RCOR1: variants seen among roughly 807,000 people sequenced by gnomAD.
RCOR1 encodes REST corepressor 1, also known as REST corepressor.
Under a neutral mutation model 64.0 loss-of-function variants are expected in RCOR1, and 12 were observed. The observed-to-expected ratio is 0.19, with a 90% CI of 0.12 to 0.30. The LOEUF is 0.30. Among genes scored for constraint, RCOR1 ranks in the 10% least tolerant of loss-of-function variants. The pLI, the probability that RCOR1 is intolerant of heterozygous loss-of-function variation, is 1.00. For synonymous variants in RCOR1, 279 were observed against 227.2 expected (o/e 1.23, Z -2.05); for missense variants, 502 against 621.2 (o/e 0.81, Z 2.04).
chr14:102,720,643 T>TA (rs1479743745), intron 8 of RCOR1, among the ~76,000 whole-genome samples: 1 of 152,200 alleles, frequency 6.6e-6, no homozygotes, highest in Non-Finnish European at 1.5e-5. Flanking sequence ...GCTGCTCTGT[T>TA]ACTTCAGTTC....
chr14:102,650,655 A>G (rs1894570241), intron 2 of RCOR1, among the ~76,000 whole-genome samples: 1 of 152,220 alleles, frequency 6.6e-6, no homozygotes, highest in Admixed American at 6.5e-5. Context: ...TGGACTCTAG[A>G]GAGTAAGTTC....
intron 3 of RCOR1, among the ~76,000 whole-genome samples, chr14:102,687,313 C>T (rs1895441905): frequency 6.6e-6 from 1 of 152,180 alleles, no homozygotes; most frequent in African/African-American, 2.4e-5. Flanking sequence ...GTCCCATAGC[C>T]AGTTATTACA....
intron 2 of RCOR1, among the ~76,000 whole-genome samples, chr14:102,609,129 T>C (rs1214793215): frequency 6.8e-6 from 1 of 148,060 alleles, no homozygotes; most frequent in Non-Finnish European, 1.5e-5. Flanking sequence ...CACTGCAACC[T>C]CTGCCTCCCG....
intron 2 of RCOR1, among the ~76,000 whole-genome samples, chr14:102,627,336 G>A (rs1308899972): frequency 6.6e-6 from 1 of 152,132 alleles, no homozygotes; most frequent in African/African-American, 2.4e-5. Context: ...TCTTATCAGC[G>A]TATTAAACGG....
chr14:102,629,311 T>C (rs1894053561), intron 2 of RCOR1, among the ~76,000 whole-genome samples: 1 of 152,190 alleles, frequency 6.6e-6, no homozygotes, highest in Non-Finnish European at 1.5e-5. Context: ...TGTTTTTCTT[T>C]TTTCTCATTT....
chr14:102,651,930 AATTG>A (rs765413292), intron 2 of RCOR1, among the ~76,000 whole-genome samples: 7 of 152,220 alleles, frequency 4.6e-5, no homozygotes, highest in Non-Finnish European at 7.3e-5. Flanking sequence ...AGGTCTCTCA[AATTG>A]ATTCTCAGTA....
In RCOR1 at chr14:102,728,803, G is replaced by T. The variant is rs1171504255; in HGVS notation, c.*2297G>T. ...CTTTCTCCCCGAGAGGAAGGGGCAT[G>T]TCATTTTTATTTGACAGAGGGAAAA... On this transcript the variant is annotated 3_prime_UTR_variant, in exon 12 of 12. Coordinates refer to ENST00000262241, the MANE Select transcript of RCOR1 (RefSeq NM_015156.4). 7.9e-5 allele frequency: 12 copies of T among 152,156 alleles called. No homozygotes were observed. Among genetic ancestry groups the T allele is most frequent in the African/African-American group, 2.4e-4 (10 of 41,426 alleles). The allele number at this position is 152,156 out of a possible 1,614,324, so 9.4% of individuals were successfully genotyped here. A position where few individuals can be genotyped will look rare whatever the true frequency, so the allele number is the denominator to read the frequency against.
intron 11 of RCOR1, 132 bp from the exon 12 acceptor site, chr14:102,726,336 A>C: frequency 1.2e-6 from 1 of 809,000 alleles, no homozygotes; most frequent in Non-Finnish European, 1.9e-6. Context: ...CCTCCAAAAA[A>C]AAAAAAAAGA....
chr14:102,646,154 C>T (rs898522197), intron 2 of RCOR1, among the ~76,000 whole-genome samples: 1 of 152,150 alleles, frequency 6.6e-6, no homozygotes. Flanking sequence ...GTGATCAGCT[C>T]TAGAAAAATG....
intron 2 of RCOR1, among the ~76,000 whole-genome samples, chr14:102,639,030 A>G (rs972462798): frequency 1.3e-5 from 2 of 152,140 alleles, no homozygotes; most frequent in Non-Finnish European, 2.9e-5. Flanking sequence ...TTGTACAGCT[A>G]CCACTGTACT....
At chr14:102,656,538 C>T (rs554076262) in intron 2 of RCOR1, among the ~76,000 whole-genome samples, 22 of 151,756 alleles carry the variant, frequency 1.4e-4, no homozygotes, top group African/African-American at 4.6e-4. Context: ...GCAGTGGTGC[C>T]ATCACTGCAA....
Position 102,662,748 on chromosome 14 carries a change from T to C in RCOR1, c.362-19147T>C, listed in dbSNP as rs1298349491. 8.4e-6 allele frequency: 3 copies of C among 355,746 alleles called. No individual in the cohort carries two copies. The Admixed American group carries it at 1.0e-4, about 12-fold the overall frequency. 22.0% of individuals were successfully genotyped at this position (355,746 alleles called of 1,614,324 possible). A position where few individuals can be genotyped will look rare whatever the true frequency, so the allele number is the denominator to read the frequency against. ...TCTGCAGCTTTTAATGTGTACAGTT[T>C]CCATGATATGATTGTACCAGATTAT... On this transcript the variant is annotated intron_variant, in intron 2 of 11. Coordinates refer to ENST00000262241, the MANE Select transcript of RCOR1 (RefSeq NM_015156.4).
chr14:102,711,681 C>T (rs1163220376), intron 7 of RCOR1, among the ~76,000 whole-genome samples: 1 of 152,130 alleles, frequency 6.6e-6, no homozygotes, highest in Non-Finnish European at 1.5e-5. Flanking sequence ...AGTTCTCTCT[C>T]TCTGCTCCAA....
At chr14:102,662,593 CTT>C in intron 2 of RCOR1, 9 of 402,844 alleles carry the variant, frequency 2.2e-5, no homozygotes, top group Non-Finnish European at 2.4e-5. Context: ...ATGTGTGGAT[CTT>C]TTTTTTTTCC....
chr14:102,712,680 G>C (rs549799060), intron 7 of RCOR1, among the ~76,000 whole-genome samples: 1 of 87,566 alleles, frequency 1.1e-5, no homozygotes, highest in South Asian at 3.6e-4. Flanking sequence ...TTTTTTTTTT[G>C]GTTGTATATC....
Position 102,593,037 on chromosome 14 carries a change from GCCT to G in RCOR1, c.156_158del (p.Ser53del), listed in dbSNP as rs908905035. On this transcript the variant is annotated inframe_deletion, in exon 1 of 12. Coordinates refer to ENST00000262241, the MANE Select transcript of RCOR1 (RefSeq NM_015156.4). ...CGCCACTGCCGCCTCGGGCGCCGCCGCCTCCTCAGCCTCGGCCGCCGCCGCCTC... is the reference window on the plus strand; with the variant it reads ...CGCCACTGCCGCCTCGGGCGCCGCCGCCTCAGCCTCGGCCGCCGCCGCCTC... 123 of 1,290,084 alleles carry G rather than the reference GCCT, an allele frequency of 9.5e-5. No individual in the cohort carries two copies. The highest frequency in any genetic ancestry group is 1.7e-4 in the African/African-American group (11 of 63,454). 79.9% of individuals were successfully genotyped at this position (1,290,084 alleles called of 1,614,324 possible). A position where few individuals can be genotyped will look rare whatever the true frequency, so the allele number is the denominator to read the frequency against.
intron 3 of RCOR1, 111 bp from the exon 4 acceptor site, chr14:102,701,167 C>T: frequency 1.1e-6 from 1 of 917,338 alleles, no homozygotes; most frequent in Non-Finnish European, 1.8e-6. Flanking sequence ...GGTGGGGACA[C>T]AGCCAAACCA....
At chr14:102,655,454 T>C (rs1894703504) in intron 2 of RCOR1, 1 of 983,710 alleles carries the variant, frequency 1.0e-6, no homozygotes, top group African/African-American at 1.7e-5. Context: ...TGCTTTTGTT[T>C]TTGCTTTATC....
At chr14:102,616,238 G>GTGTGTGTA (rs1157728214) in intron 2 of RCOR1, among the ~76,000 whole-genome samples, 1 of 139,156 alleles carries the variant, frequency 7.2e-6, no homozygotes, top group East Asian at 2.0e-4. Flanking sequence ...GTGTGTGTGT[G>GTGTGTGTA]TGTGTGTGTG....
Sources: allele counts gnomAD v4.1 joint callset (sites outside exome capture counted in the v4.1 genomes callset), GRCh38; gene constraint gnomAD v4.1.1; transcripts MANE v1.5; gene names NCBI Gene and HGNC (gene_info 2026-07-23, HGNC 2026-07-21).